The following DIP2A variants were observed in gnomAD, a reference collection of about 807,000 sequenced individuals.
The protein encoded by DIP2A is disco-interacting protein 2 homolog A.
In DIP2A, 85 loss-of-function variants were observed where a neutral mutation model predicts 177.4. The ratio of observed to expected loss-of-function variants is 0.48; its 90% CI spans 0.40 to 0.57. The LOEUF (loss-of-function observed/expected upper bound fraction) is 0.57. DIP2A is among the 20% of genes least tolerant of loss of function. DIP2A has a pLI of 0.00. For synonymous variants in DIP2A, 886 were observed against 881.8 expected (o/e 1.00, Z -0.08); for missense variants, 1,791 against 2,100.2 (o/e 0.85, Z 2.88).
Position 46,556,546 on chromosome 21 carries a change from G to C in DIP2A, c.3499-393G>C. 2.4e-6 allele frequency: 1 copy of C among 413,890 alleles called. No homozygotes were observed. The highest frequency in any genetic ancestry group is 2.0e-5 in the South Asian group (1 of 49,686). 25.6% of individuals were successfully genotyped at this position (413,890 alleles called of 1,614,324 possible). A position where few individuals can be genotyped will look rare whatever the true frequency, so the allele number is the denominator to read the frequency against. ...AAAATACAAAAAATTAGCTGGGCAT[G>C]GTGGCAGGTGCCTCTAATCCCAGAT... On this transcript the variant is annotated intron_variant, in intron 29 of 37. Coordinates refer to ENST00000417564, the MANE Select transcript of DIP2A (RefSeq NM_015151.4). This position sits in a 1 kb window ranked among gnomAD's most constrained non-coding sequence, Gnocchi z 4.5.
rs1339716855 is a variant in DIP2A, at chr21:46,509,499, G to A, written c.904+123G>A. The A allele has an allele frequency of 5.7e-6, 7 of 1,221,400 alleles. 1 individual carries two copies. The highest frequency in any genetic ancestry group is 1.5e-5 in the African/African-American group (1 of 65,120). 75.7% of individuals were successfully genotyped at this position (1,221,400 alleles called of 1,614,324 possible). On this transcript the variant is annotated intron_variant, in intron 7 of 37. Coordinates refer to ENST00000417564, the MANE Select transcript of DIP2A (RefSeq NM_015151.4). The stretch of plus-strand genomic sequence containing the variant: ...TATATATATTCTGTTTCCAGACTCA[G>A]TGGTCACTGGGTGTAATGGTGAATT...
intron 16 of DIP2A, chr21:46,539,517 C>CAT (rs756288128): frequency 2.9e-6 from 1 of 344,532 alleles, no homozygotes; most frequent in Admixed American, 4.2e-5. Context: ...ATGGTGGAGT[C>CAT]AGAGTGTGCA....
chr21:46,474,724 C>T (rs1159679894), intron 1 of DIP2A, among the ~76,000 whole-genome samples: 2 of 152,154 alleles, frequency 1.3e-5, no homozygotes, highest in African/African-American at 2.4e-5. Flanking sequence ...CTCAAGTGAT[C>T]ATTTAGCCTC....
intron 2 of DIP2A, among the ~76,000 whole-genome samples, chr21:46,487,569 GA>G (rs1206809142): frequency 6.6e-6 from 1 of 152,074 alleles, no homozygotes; most frequent in African/African-American, 2.4e-5. Context: ...AAATATAGGT[GA>G]TATTATTTTA....
At chr21:46,567,297 C>G in intron 37 of DIP2A, 73 bp from the exon 38 acceptor site, 1 of 1,545,040 alleles carries the variant, frequency 6.5e-7, no homozygotes, top group Non-Finnish European at 8.7e-7. Context: ...TTGTGCCACC[C>G]TTTCCCAAGC....
At position 46,537,169 on chromosome 21, in the gene DIP2A, A is replaced by G; in HGVS notation, c.1643-55A>G. Reference sequence around the variant, plus strand: ...ACCTCAGAATTTCTCTAGAAAATGCATAGGGCTTATTGAGAGGGTTGCTCA... The same window carrying G: ...ACCTCAGAATTTCTCTAGAAAATGCGTAGGGCTTATTGAGAGGGTTGCTCA... On this transcript the variant is annotated intron_variant, in intron 13 of 37. Transcript: ENST00000417564. The surrounding 1 kb of genome is among the most constrained non-coding windows in gnomAD (Gnocchi z 4.1). 1 of 1,582,134 alleles carries G rather than the reference A, an allele frequency of 6.3e-7. No homozygotes were observed. Among genetic ancestry groups the G allele is most frequent in the Non-Finnish European group, 8.7e-7 (1 of 1,150,786 alleles).
intron 3 of DIP2A, among the ~76,000 whole-genome samples, chr21:46,492,689 G>A (rs1157079675): frequency 2.0e-5 from 3 of 152,162 alleles, no homozygotes; most frequent in East Asian, 3.9e-4. Flanking sequence ...TTGGCCAGGC[G>A]TGGTTGTTCA....
At chr21:46,459,467 G>A (rs2054087779) in intron 1 of DIP2A, among the ~76,000 whole-genome samples, 1 of 141,280 alleles carries the variant, frequency 7.1e-6, no homozygotes, top group African/African-American at 2.7e-5. Flanking sequence ...CCCCTCATGT[G>A]GGACCCCAGC....
At chr21:46,528,568 T>TTTTTTTTTA (rs1569043246) in intron 8 of DIP2A, among the ~76,000 whole-genome samples, 9 of 90,636 alleles carry the variant, frequency 9.9e-5, no homozygotes, top group East Asian at 4.5e-4. Context: ...TTTTTTTTTT[T>TTTTTTTTTA]AGATAATGTC....
intron 9 of DIP2A, among the ~76,000 whole-genome samples, chr21:46,531,379 A>C (rs978662624): frequency 6.6e-6 from 1 of 152,238 alleles, no homozygotes; most frequent in African/African-American, 2.4e-5. Context: ...AAAGCAACGC[A>C]AGTAGAAATG....
chr21:46,504,165 CT>C (rs2057852490), intron 5 of DIP2A, 195 bp from the exon 6 acceptor site: 2 of 681,290 alleles, frequency 2.9e-6, no homozygotes, highest in African/African-American at 3.6e-5. Context: ...ACGCAGATGT[CT>C]GCATAACGTG....
At position 46,477,570 on chromosome 21, in the gene DIP2A, T is replaced by TGTGTGTGTGTGTGTGTG. The variant is rs1180881454; in HGVS notation, c.92-7187_92-7186insGTGTGTGTGTGTGTGTG. On this transcript the variant is annotated intron_variant, in intron 1 of 37. Transcript: ENST00000417564. ...GTGTGTGTGTGTGTGTGTGTGTGTA[T>TGTGTGTGTGTGTGTGTG]TTCTTTTTTTTTTTTTTTCTTGAGT... Among the ~76,000 whole-genome samples, 55 of 127,978 alleles carry TGTGTGTGTGTGTGTGTG rather than the reference T, an allele frequency of 4.3e-4. 1 individual carries two copies. The highest frequency in any genetic ancestry group is 7.6e-4 in the South Asian group (3 of 3,922). 84.0% of individuals were successfully genotyped at this position (127,978 alleles called of 152,430 possible).
intron 17 of DIP2A, among the ~76,000 whole-genome samples, chr21:46,540,859 C>T (rs941513496): frequency 4.6e-5 from 7 of 151,694 alleles, no homozygotes; most frequent in African/African-American, 1.7e-4. Flanking sequence ...ACTGAAAATA[C>T]AAAAAATTAG....
At chr21:46,468,758 T>G (rs977767025) in intron 1 of DIP2A, among the ~76,000 whole-genome samples, 3 of 152,210 alleles carry the variant, frequency 2.0e-5, no homozygotes, top group East Asian at 1.9e-4. Context: ...TGTTTATGTT[T>G]ATGGTGATGG....
At chr21:46,496,509 A>C (rs1315385595) in intron 3 of DIP2A, among the ~76,000 whole-genome samples, 2 of 152,234 alleles carry the variant, frequency 1.3e-5, no homozygotes, top group Non-Finnish European at 2.9e-5. Flanking sequence ...CCACGTTGGA[A>C]GAAGAATAAT....
intron 1 of DIP2A, among the ~76,000 whole-genome samples, chr21:46,464,214 T>C (rs1455862963): frequency 1.3e-5 from 2 of 151,150 alleles, no homozygotes; most frequent in Non-Finnish European, 3.0e-5. Flanking sequence ...ACCAACATGG[T>C]GAAACCCCAT....
intron 2 of DIP2A, among the ~76,000 whole-genome samples, chr21:46,490,290 C>T (rs1028537776): frequency 3.9e-5 from 6 of 152,066 alleles, no homozygotes; most frequent in African/African-American, 1.2e-4. Context: ...CTTTCTACCA[C>T]GGCTCCCACC....
At chr21:46,459,779 C>T (rs1032246216) in intron 1 of DIP2A, among the ~76,000 whole-genome samples, 3 of 152,116 alleles carry the variant, frequency 2.0e-5, no homozygotes, top group Admixed American at 6.5e-5. Context: ...CCCCGGGACG[C>T]CTGCCAAACT....
the DIP2A span, among the ~76,000 whole-genome samples, chr21:46,581,953 C>T: frequency 0.55 from 83,623 of 152,082 alleles, 24,009 homozygotes; most frequent in Admixed American, 0.66. Flanking sequence ...AAGAAGCAGT[C>T]TGGCTGCCCC....
Sources: gnomAD v4.1 joint callset for allele counts (sites outside exome capture counted in the v4.1 genomes callset) on GRCh38, gnomAD v4.1.1 for gene constraint, Gnocchi (gnomAD v3.1) non-coding constraint, MANE v1.5 for transcripts, NCBI Gene and HGNC (gene_info 2026-07-23, HGNC 2026-07-21) for gene names.